SNTG2: variants seen among roughly 807,000 people sequenced by gnomAD.
SNTG2 encodes the protein syntrophin gamma 2.
Under a neutral mutation model 70.9 loss-of-function variants are expected in SNTG2, and 74 were observed. That is an observed-to-expected ratio of 1.04 (90% CI 0.86 to 1.27). The LOEUF is 1.27. SNTG2 is among the 50% of genes most tolerant of loss of function. The pLI, the probability that SNTG2 is intolerant of heterozygous loss-of-function variation, is 0.00. For missense variants in SNTG2, 717 were observed against 690.7 expected (o/e 1.04, Z -0.43); for synonymous variants, 278 against 273.8 (o/e 1.02, Z -0.15).
Position 951,022 on chromosome 2 carries a change from C to A in SNTG2, c.26C>A (p.Pro9Gln). The change falls in exon 1 of 17, where the codon CCG becomes CAG. Residue 9 changes from proline (P) to glutamine (Q), a missense_variant. By Grantham distance (76) the Pro-to-Gln change is moderately conservative (BLOSUM62 -1). Coordinates refer to ENST00000308624, the MANE Select transcript of SNTG2 (RefSeq NM_018968.4). ...ATGGGCACCGAGGGACCCCCGCCCCCGGCCGCCTCCCGCGGACGCCAGGGC... is the reference window on the plus strand; with the variant it reads ...ATGGGCACCGAGGGACCCCCGCCCCAGGCCGCCTCCCGCGGACGCCAGGGC... MGTEGPPP[P>Q]AASRGRQGCL... 7.9e-7 allele frequency: 1 copy of A among 1,265,744 alleles called. No homozygotes were observed. Among genetic ancestry groups the A allele is most frequent in the Non-Finnish European group, 9.9e-7 (1 of 1,008,576 alleles). 78.4% of individuals were successfully genotyped at this position (1,265,744 alleles called of 1,614,324 possible). A position where few individuals can be genotyped will look rare whatever the true frequency, so the allele number is the denominator to read the frequency against.
intron 11 of SNTG2, among the ~76,000 whole-genome samples, chr2:1,246,607 G>A (rs1677444781): frequency 6.6e-6 from 1 of 152,174 alleles, no homozygotes; most frequent in Non-Finnish European, 1.5e-5. Context: ...CTAAGCATAT[G>A]TTAATAGGTT....
intron 6 of SNTG2, among the ~76,000 whole-genome samples, chr2:1,162,605 C>T (rs1338746306): frequency 1.3e-5 from 2 of 152,156 alleles, no homozygotes; most frequent in Admixed American, 6.5e-5. Flanking sequence ...ACACTCTGCA[C>T]CTCCAGGGAC....
intron 14 of SNTG2, among the ~76,000 whole-genome samples, chr2:1,302,465 G>C (rs1034733496): frequency 6.7e-6 from 1 of 149,350 alleles, no homozygotes; most frequent in Non-Finnish European, 1.5e-5. Flanking sequence ...ATACAACTGC[G>C]TATAGAGAAC....
chr2:1,002,171 T>A (rs1215585777), intron 1 of SNTG2, among the ~76,000 whole-genome samples: 1 of 151,750 alleles, frequency 6.6e-6, no homozygotes, highest in Admixed American at 6.6e-5. Flanking sequence ...CAGAAGAAAA[T>A]CTAGGAAAAT....
intron 1 of SNTG2, among the ~76,000 whole-genome samples, chr2:981,570 C>G (rs988217768): frequency 1.3e-5 from 2 of 152,086 alleles, no homozygotes; most frequent in African/African-American, 4.8e-5. Flanking sequence ...TGCCTGCACA[C>G]ACATACGTAT....
At chr2:1,032,757 G>A (rs1409655255) in intron 1 of SNTG2, among the ~76,000 whole-genome samples, 1 of 147,390 alleles carries the variant, frequency 6.8e-6, no homozygotes, top group Non-Finnish European at 1.5e-5. Context: ...ATACACCCTT[G>A]GTGTATTCCA....
At chr2:1,048,042 T>G (rs1295850724) in intron 1 of SNTG2, among the ~76,000 whole-genome samples, 1 of 152,190 alleles carries the variant, frequency 6.6e-6, no homozygotes, top group East Asian at 1.9e-4. Flanking sequence ...TTTAATATTT[T>G]TGTACTTCTT....
intron 8 of SNTG2, among the ~76,000 whole-genome samples, chr2:1,188,534 T>G (rs937449324): frequency 6.6e-6 from 1 of 152,088 alleles, no homozygotes; most frequent in Admixed American, 6.5e-5. Flanking sequence ...GAAAGAAAAT[T>G]GAAGGAATTC....
At chr2:1,186,726 T>C (rs1015591448) in intron 8 of SNTG2, among the ~76,000 whole-genome samples, 1 of 152,194 alleles carries the variant, frequency 6.6e-6, no homozygotes, top group African/African-American at 2.4e-5. Flanking sequence ...TCTGCCCTCA[T>C]GATCTGATCA....
intron 4 of SNTG2, among the ~76,000 whole-genome samples, chr2:1,135,072 G>A (rs1045008740): frequency 2.0e-5 from 3 of 152,156 alleles, no homozygotes; most frequent in African/African-American, 4.8e-5. Flanking sequence ...GCTGACCCAT[G>A]GGCTCAGCAC....
chr2:984,657 C>G (rs1661246250), intron 1 of SNTG2, among the ~76,000 whole-genome samples: 1 of 152,216 alleles, frequency 6.6e-6, no homozygotes, highest in African/African-American at 2.4e-5. Flanking sequence ...TGCTCCTTCA[C>G]TTGGCACATC....
intron 8 of SNTG2, among the ~76,000 whole-genome samples, chr2:1,177,601 CA>C (rs1671569428): frequency 6.6e-6 from 1 of 151,928 alleles, no homozygotes. Context: ...AATGAAATGA[CA>C]CCTTTGAAGT....
At chr2:984,259 CTT>C (rs35096466) in intron 1 of SNTG2, among the ~76,000 whole-genome samples, 20,477 of 140,164 alleles carry the variant, frequency 0.15, 1,515 homozygotes, top group African/African-American at 0.19. Context: ...AGAAACAAAG[CTT>C]TTTTTTTTTT....
intron 1 of SNTG2, among the ~76,000 whole-genome samples, chr2:964,628 A>C (rs1174720017): frequency 1.3e-5 from 2 of 152,192 alleles, no homozygotes; most frequent in African/African-American, 4.8e-5. Flanking sequence ...TGAAGACAGG[A>C]CAAGCCTTTG....
At chr2:1,176,543 A>C (rs191153281) in intron 8 of SNTG2, among the ~76,000 whole-genome samples, 16 of 152,302 alleles carry the variant, frequency 1.1e-4, no homozygotes, top group African/African-American at 3.6e-4. Context: ...AACAACTATC[A>C]TCAGAGTGAA....
In SNTG2 at chr2:1,265,956, G is replaced by A. The variant is rs183486262; in HGVS notation, c.1078-1409G>A. Reference sequence around the variant, plus strand: ...AGCAAAATTGATGTTGGGGTGCAGCGTCCCAGGAAGGTGTCTGGTGGGGGC... The same window carrying A: ...AGCAAAATTGATGTTGGGGTGCAGCATCCCAGGAAGGTGTCTGGTGGGGGC... On this transcript the variant is annotated intron_variant, in intron 13 of 16. Transcript: ENST00000308624. 5.4e-3 allele frequency among the ~76,000 whole-genome samples: 824 copies of A among 152,250 alleles called. 7 individuals carry two copies. Among genetic ancestry groups the A allele is most frequent in the Admixed American group, 0.034 (520 of 15,304 alleles).
At chr2:1,130,646 C>T (rs1199913984) in intron 4 of SNTG2, among the ~76,000 whole-genome samples, 1 of 152,194 alleles carries the variant, frequency 6.6e-6, no homozygotes, top group East Asian at 1.9e-4. Flanking sequence ...AAAGAATGTT[C>T]CAGGTCCACA....
intron 1 of SNTG2, among the ~76,000 whole-genome samples, chr2:1,083,271 G>C (rs959082194): frequency 2.7e-5 from 4 of 148,790 alleles, no homozygotes; most frequent in African/African-American, 9.9e-5. Context: ...CAAACGCCTG[G>C]CTAATTTTCT....
At chr2:1,293,693 T>A (rs1468590862) in intron 14 of SNTG2, among the ~76,000 whole-genome samples, 5 of 151,486 alleles carry the variant, frequency 3.3e-5, no homozygotes, top group African/African-American at 1.2e-4. Flanking sequence ...TACATTCCAA[T>A]AAGTTCAAAA....
Sources: allele counts gnomAD v4.1 joint callset (sites outside exome capture counted in the v4.1 genomes callset), GRCh38; gene constraint gnomAD v4.1.1; transcripts MANE v1.5; gene names NCBI Gene and HGNC (gene_info 2026-07-23, HGNC 2026-07-21).